The following CAST variants were observed in gnomAD, a reference collection of about 807,000 sequenced individuals.
CAST encodes the protein MIR583 host.
Under a neutral mutation model 119.6 loss-of-function variants are expected in CAST, and 76 were observed. The observed-to-expected ratio is 0.64, with a 90% CI of 0.53 to 0.77. The LOEUF is 0.77. CAST is among the 30% of genes least tolerant of loss of function. The pLI, the probability that CAST is intolerant of heterozygous loss-of-function variation, is 0.00. For missense variants in CAST, 953 were observed against 946.5 expected, an observed-to-expected ratio of 1.01 and a Z score of -0.09; for synonymous variants, 319 against 331.6, an observed-to-expected ratio of 0.96 and a Z score of 0.41.
chr5:96,556,009 A>C (rs1235405599), intron 1 of CAST, among the ~76,000 whole-genome samples: 1 of 152,188 alleles, frequency 6.6e-6, no homozygotes, highest in Non-Finnish European at 1.5e-5. Context: ...CTCTGAGACA[A>C]AACTTCCAGA....
chr5:96,676,729 C>A (rs39885), intron 2 of CAST, among the ~76,000 whole-genome samples: 93,421 of 149,132 alleles, frequency 0.63, 29,976 homozygotes, highest in African/African-American at 0.81. Flanking sequence ...AAAAAAAAAA[C>A]CACAAATTTT....
At chr5:96,759,269 A>C (rs27429) in intron 24 of CAST, among the ~76,000 whole-genome samples, 6,994 of 152,292 alleles carry the variant, frequency 0.046, 198 homozygotes, top group South Asian at 0.093. Flanking sequence ...ATTAGTGTTC[A>C]TCTGTAAAAG....
chr5:96,560,175 C>T (rs1446749993), intron 1 of CAST, among the ~76,000 whole-genome samples: 1 of 151,996 alleles, frequency 6.6e-6, no homozygotes, highest in Non-Finnish European at 1.5e-5. Context: ...GAAACTGGAT[C>T]CCTTCCTTAC....
At chr5:96,706,781 C>T (rs529302035) in intron 3 of CAST, among the ~76,000 whole-genome samples, 1 of 152,292 alleles carries the variant, frequency 6.6e-6, no homozygotes, top group South Asian at 2.1e-4. Context: ...TTTTGTGGAA[C>T]TGAGAGTTCT....
At chr5:96,392,135 A>G in the CAST span, 2 of 152,134 alleles carry the variant, frequency 1.3e-5, no homozygotes, top group Non-Finnish European at 1.5e-5. Context: ...TACTGCTGAA[A>G]AAAATTGTGA....
chr5:96,698,101 T>G (rs148213638), intron 3 of CAST, among the ~76,000 whole-genome samples: 84 of 152,348 alleles, frequency 5.5e-4, no homozygotes, highest in African/African-American at 1.9e-3. Flanking sequence ...TTCCCACACT[T>G]GCTATTATCT....
the CAST span, among the ~76,000 whole-genome samples, chr5:96,286,420 A>C: frequency 6.6e-6 from 1 of 152,172 alleles, no homozygotes. Flanking sequence ...ATCTTCCTTC[A>C]CTTGCTCCCT....
At chr5:96,593,153 C>T (rs1479455671) in intron 1 of CAST, among the ~76,000 whole-genome samples, 1 of 152,232 alleles carries the variant, frequency 6.6e-6, no homozygotes, top group Non-Finnish European at 1.5e-5. Flanking sequence ...AAACTGCTGT[C>T]GTCCCCCAAA....
At chr5:96,412,964 C>CAGG in the CAST span, 1 of 1,009,936 alleles carries the variant, frequency 9.9e-7, no homozygotes, top group Non-Finnish European at 1.2e-6. Context: ...GGTGATGCAC[C>CAGG]TCCTCATGGC....
At chr5:96,413,018 TCTGGA>T in the CAST span, 7,687 of 936,730 alleles carry the variant, frequency 8.2e-3, 482 homozygotes, top group African/African-American at 0.13. Flanking sequence ...ACACAAGGAC[TCTGGA>T]CAGGAAACAT....
chr5:96,726,684 T>C, intron 4 of CAST, 110 bp from the exon 5 acceptor site: 2 of 705,312 alleles, frequency 2.8e-6, no homozygotes, highest in African/African-American at 1.8e-5. Context: ...ATCGAGTAGA[T>C]GCAATAGATG....
the CAST span, among the ~76,000 whole-genome samples, chr5:95,963,472 G>T: frequency 6.6e-6 from 1 of 152,202 alleles, no homozygotes; most frequent in Non-Finnish European, 1.5e-5. Context: ...AGATTGGCTA[G>T]CTGTTAAGAC....
At chr5:96,008,984 C>T in the CAST span, among the ~76,000 whole-genome samples, 14 of 152,202 alleles carry the variant, frequency 9.2e-5, no homozygotes, top group South Asian at 1.0e-3. Flanking sequence ...CTCTATCAGT[C>T]GACAGTGTTT....
At chr5:96,684,736 T>A (rs1428861338) in intron 2 of CAST, among the ~76,000 whole-genome samples, 1 of 151,970 alleles carries the variant, frequency 6.6e-6, no homozygotes, top group Non-Finnish European at 1.5e-5. Flanking sequence ...ATAACTTTTT[T>A]AAAAAATATT....
At chr5:96,395,550 C>T in the CAST span, among the ~76,000 whole-genome samples, 4 of 152,082 alleles carry the variant, frequency 2.6e-5, no homozygotes, top group African/African-American at 9.7e-5. Context: ...GAACAGAAAA[C>T]CAAACACTGA....
the CAST span, among the ~76,000 whole-genome samples, chr5:96,075,620 A>C: frequency 1.3e-5 from 2 of 152,222 alleles, no homozygotes; most frequent in African/African-American, 4.8e-5. Flanking sequence ...ACTAAAGAAA[A>C]ATATGGAAAA....
At chr5:96,198,950 C>A in the CAST span, among the ~76,000 whole-genome samples, 2 of 152,110 alleles carry the variant, frequency 1.3e-5, no homozygotes, top group Non-Finnish European at 2.9e-5. Context: ...AAATAGTAAG[C>A]TCTGAGCATC....
the CAST span, among the ~76,000 whole-genome samples, chr5:96,081,366 G>A: frequency 6.6e-6 from 1 of 152,182 alleles, no homozygotes; most frequent in Non-Finnish European, 1.5e-5. Context: ...AGAGACCTGA[G>A]GGAACTTGTG....
intron 3 of CAST, among the ~76,000 whole-genome samples, chr5:96,717,025 A>T (rs756444999): frequency 2.6e-5 from 4 of 152,230 alleles, no homozygotes; most frequent in African/African-American, 4.8e-5. Flanking sequence ...TTAAAGTATT[A>T]AAACTGTATC....
Sources: gnomAD v4.1 joint callset for allele counts (sites outside exome capture counted in the v4.1 genomes callset) on GRCh38, gnomAD v4.1.1 for gene constraint, MANE v1.5 for transcripts, NCBI Gene and HGNC (gene_info 2026-07-23, HGNC 2026-07-21) for gene names.